MSRA: variants seen among roughly 807,000 people sequenced by gnomAD.
The protein encoded by MSRA is mitochondrial peptide methionine sulfoxide reductase.
In MSRA, 54 loss-of-function variants were observed where a neutral mutation model predicts 31.3. The ratio of observed to expected loss-of-function variants is 1.73; its 90% CI spans 1.39 to 2.17. MSRA has a LOEUF of 2.17. Among genes scored for constraint, MSRA ranks in the 30% most tolerant of loss-of-function variants. The pLI is 0.00. For missense variants in MSRA, 507 were observed against 300.9 expected (o/e 1.69, Z -5.07); for synonymous variants, 169 against 116.5 (o/e 1.45, Z -2.90).
intron 2 of MSRA, among the ~76,000 whole-genome samples, chr8:10,208,681 C>T (rs190783560): frequency 1.2e-3 from 189 of 152,218 alleles, no homozygotes; most frequent in Admixed American, 2.9e-3. Flanking sequence ...CTGAAAATGA[C>T]GACCTCTGTG....
chr8:10,125,484 G>T (rs1045422897), intron 1 of MSRA, among the ~76,000 whole-genome samples: 6 of 152,190 alleles, frequency 3.9e-5, no homozygotes, highest in Non-Finnish European at 8.8e-5. Context: ...AGGGCCAGAG[G>T]GAGTCAGTTT....
intron 2 of MSRA, among the ~76,000 whole-genome samples, chr8:10,223,034 AGT>A (rs1262870645): frequency 1.3e-5 from 2 of 152,238 alleles, no homozygotes; most frequent in Admixed American, 6.5e-5. Context: ...CTTATTCCAC[AGT>A]GTGTATATAT....
rs531491672 is a variant in MSRA, at chr8:10,121,110, C to T, written c.142+66452C>T. ...GTACAGATAAGACAGCTCCTCATCC[C>T]TTAAAGCTGGCAGTAAGGATGATCT... is the stretch of plus-strand genomic sequence containing the variant. On this transcript the variant is annotated intron_variant, in intron 1 of 5. Transcript: ENST00000317173. Among the ~76,000 whole-genome samples the T allele has an allele frequency of 4.6e-5, 7 of 152,292 alleles. No individual in the cohort carries two copies. The East Asian group carries it at 9.6e-4, about 21-fold the overall frequency.
chr8:10,119,577 C>A (rs2129017190), intron 1 of MSRA, among the ~76,000 whole-genome samples: 1 of 152,324 alleles, frequency 6.6e-6, no homozygotes, highest in South Asian at 2.1e-4. Flanking sequence ...GATTAAAGCA[C>A]AGCCTTGCCC....
At chr8:10,319,579 C>T (rs759319451) in intron 4 of MSRA, among the ~76,000 whole-genome samples, 2 of 151,114 alleles carry the variant, frequency 1.3e-5, no homozygotes, top group African/African-American at 2.4e-5. Flanking sequence ...TGGAGTAGAT[C>T]GTTGTTTAAG....
chr8:10,070,152 G>C (rs528577768), intron 1 of MSRA, among the ~76,000 whole-genome samples: 1 of 152,164 alleles, frequency 6.6e-6, no homozygotes. Flanking sequence ...AAAATAAGAG[G>C]ATTAGGTAGC....
At chr8:10,124,200 C>T (rs1218219759) in intron 1 of MSRA, among the ~76,000 whole-genome samples, 1 of 152,018 alleles carries the variant, frequency 6.6e-6, no homozygotes, top group Non-Finnish European at 1.5e-5. Flanking sequence ...CCCCAAACTG[C>T]CAAGATTTGT....
intron 5 of MSRA, among the ~76,000 whole-genome samples, chr8:10,334,811 C>A (rs1430585532): frequency 2.0e-5 from 3 of 152,254 alleles, no homozygotes; most frequent in African/African-American, 7.2e-5. Flanking sequence ...TCAAAATGTG[C>A]CTTACTCCCT....
chr8:10,208,459 T>C (rs901712794), intron 2 of MSRA, among the ~76,000 whole-genome samples: 2 of 152,200 alleles, frequency 1.3e-5, no homozygotes, highest in Non-Finnish European at 2.9e-5. Context: ...CCAAACTGTT[T>C]GGTGAAGAGG....
chr8:10,300,282 G>A (rs923806073), intron 3 of MSRA, among the ~76,000 whole-genome samples: 10 of 151,800 alleles, frequency 6.6e-5, no homozygotes, highest in African/African-American at 2.4e-4. Context: ...TTGAGATGGA[G>A]TCTCACCCTG....
intron 1 of MSRA, among the ~76,000 whole-genome samples, chr8:10,056,385 C>T (rs1208728919): frequency 2.6e-5 from 4 of 152,028 alleles, no homozygotes; most frequent in African/African-American, 9.7e-5. Context: ...CAGAAATGAG[C>T]CAACAATTTT....
chr8:10,283,802 C>CATATATATATAT (rs375322603), intron 3 of MSRA, among the ~76,000 whole-genome samples: 88 of 46,106 alleles, frequency 1.9e-3, no homozygotes, highest in East Asian at 2.5e-3. Flanking sequence ...TATTCTATCT[C>CATATATATATAT]ATATATATAT....
At chr8:10,061,953 G>C (rs1351517859) in intron 1 of MSRA, among the ~76,000 whole-genome samples, 2 of 152,214 alleles carry the variant, frequency 1.3e-5, no homozygotes, top group East Asian at 3.8e-4. Context: ...TGGGGCCTTG[G>C]CCTGCGATCT....
At chr8:10,101,104 G>T (rs1489086969) in intron 1 of MSRA, among the ~76,000 whole-genome samples, 1 of 152,100 alleles carries the variant, frequency 6.6e-6, no homozygotes, top group Admixed American at 6.5e-5. Context: ...TACCGTCTTG[G>T]GTTAGAGATA....
At chr8:10,329,235 G>A (rs939354630) in intron 5 of MSRA, among the ~76,000 whole-genome samples, 1 of 152,160 alleles carries the variant, frequency 6.6e-6, no homozygotes, top group Admixed American at 6.5e-5. Context: ...GGTTCCAGAG[G>A]GCAGAAGCCC....
intron 2 of MSRA, among the ~76,000 whole-genome samples, chr8:10,238,141 C>T (rs983919134): frequency 2.0e-5 from 3 of 152,164 alleles, no homozygotes; most frequent in Admixed American, 1.3e-4. Flanking sequence ...GGCTTCCTTC[C>T]TGCCCCTTAG....
At chr8:10,402,524 G>T (rs768969185) in intron 5 of MSRA, among the ~76,000 whole-genome samples, 1 of 152,206 alleles carries the variant, frequency 6.6e-6, no homozygotes, top group Non-Finnish European at 1.5e-5. Flanking sequence ...AGCATCCAGT[G>T]CCCCCATAGC....
chr8:10,286,283 G>C (rs1799932793), intron 3 of MSRA, among the ~76,000 whole-genome samples: 1 of 152,202 alleles, frequency 6.6e-6, no homozygotes, highest in Admixed American at 6.5e-5. Context: ...CCCATGTGTT[G>C]TGGGAGGGAC....
At position 10,264,003 on chromosome 8, in the gene MSRA, T is replaced by C. The variant is rs1216935198; in HGVS notation, c.331+18780T>C. Reference sequence around the variant, plus strand: ...TTTCTTTACTTAAAAATATTTTTTTTCACAGGCTTCAGATCTGTGTGTCTA... The same window carrying C: ...TTTCTTTACTTAAAAATATTTTTTTCCACAGGCTTCAGATCTGTGTGTCTA... On this transcript the variant is annotated intron_variant, in intron 3 of 5. Coordinates refer to ENST00000317173, the MANE Select transcript of MSRA (RefSeq NM_012331.5). Among the ~76,000 whole-genome samples the C allele has an allele frequency of 8.5e-5, 13 of 152,224 alleles. 1 individual carries two copies. Among genetic ancestry groups the C allele is most frequent in the South Asian group, 4.1e-4 (2 of 4,836 alleles).
Sources: gnomAD v4.1 joint callset for allele counts (sites outside exome capture counted in the v4.1 genomes callset) on GRCh38, gnomAD v4.1.1 for gene constraint, MANE v1.5 for transcripts, NCBI Gene and HGNC (gene_info 2026-07-23, HGNC 2026-07-21) for gene names.